TXNRD1: variants seen among roughly 807,000 people sequenced by gnomAD.
TXNRD1 encodes the protein thioredoxin reductase 1.
A neutral mutation model predicts 80.3 loss-of-function variants in TXNRD1; 57 were observed. That is an observed-to-expected ratio of 0.71 (90% confidence interval 0.57 to 0.89). TXNRD1 has a LOEUF of 0.89. TXNRD1 is among the 40% of genes least tolerant of loss of function. The pLI is 0.00. For missense variants in TXNRD1, 730 were observed against 803.0 expected (o/e 0.91, Z 1.10); for synonymous variants, 291 against 285.2 (o/e 1.02, Z -0.20).
At chr12:104,275,152 C>T (rs1396572041) in intron 3 of TXNRD1, among the ~76,000 whole-genome samples, 1 of 151,748 alleles carries the variant, frequency 6.6e-6, no homozygotes, top group African/African-American at 2.4e-5. Flanking sequence ...GTGGCGCATG[C>T]CTGTAATCCC....
Position 104,350,022 on chromosome 12 carries a change from T to C in TXNRD1, c.*1601T>C, listed in dbSNP as rs927057974. The C allele has an allele frequency of 1.3e-5, 2 of 152,208 alleles. No homozygotes were observed. The highest frequency in any genetic ancestry group is 2.4e-5 in the African/African-American group (1 of 41,452). 9.4% of individuals were successfully genotyped at this position (152,208 alleles called of 1,614,324 possible). On this transcript the variant is annotated 3_prime_UTR_variant, in exon 17 of 17. Transcript: ENST00000525566. The stretch of plus-strand genomic sequence containing the variant: ...TTTATTTATTTTTAATTTGTTTTTT[T>C]CTCCAAGTCCACCAGTCTCTGAAAT...
intron 7 of TXNRD1, 98 bp downstream of exon 7, chr12:104,315,994 C>T: frequency 1.5e-6 from 2 of 1,339,924 alleles, no homozygotes; most frequent in East Asian, 2.8e-5. Flanking sequence ...TAGCAAATAG[C>T]CTAGTTGTTT....
intron 13 of TXNRD1, among the ~76,000 whole-genome samples, chr12:104,330,135 T>C (rs1224161013): frequency 6.6e-6 from 1 of 152,092 alleles, no homozygotes; most frequent in Non-Finnish European, 1.5e-5. Flanking sequence ...TTAGAGAAAA[T>C]GGATTATATT....
intron 13 of TXNRD1, among the ~76,000 whole-genome samples, chr12:104,329,520 G>A (rs906274634): frequency 6.6e-5 from 10 of 151,704 alleles, no homozygotes; most frequent in South Asian, 6.3e-4. Flanking sequence ...GAGGTGGTGC[G>A]TGCCTCTAGT....
At chr12:104,304,030 TG>T in intron 4 of TXNRD1, 1 of 1,613,108 alleles carries the variant, frequency 6.2e-7, no homozygotes, top group Non-Finnish European at 8.5e-7. Flanking sequence ...AGCTCACCGC[TG>T]ACGAGGAGAA....
intron 15 of TXNRD1, among the ~76,000 whole-genome samples, chr12:104,338,790 C>G (rs905977522): frequency 6.6e-5 from 10 of 151,870 alleles, no homozygotes; most frequent in Admixed American, 1.3e-4. Flanking sequence ...GATCTCGGCT[C>G]ACTGCAAGCT....
At chr12:104,341,213 C>G (rs567611984) in intron 16 of TXNRD1, among the ~76,000 whole-genome samples, 1 of 152,284 alleles carries the variant, frequency 6.6e-6, no homozygotes, top group Non-Finnish European at 1.5e-5. Context: ...CTGTGCATCT[C>G]CATCTGTTGG....
intron 15 of TXNRD1, among the ~76,000 whole-genome samples, chr12:104,336,916 T>TACTCCATCTCAAAAAAAAAAAAAA (rs1476000037): frequency 6.6e-4 from 98 of 148,546 alleles, no homozygotes; most frequent in Non-Finnish European, 1.0e-3. Flanking sequence ...TCTCACACAA[T>TACTCCATCTCAAAAAAAAAAAAAA]GTAGATACCA....
At chr12:104,241,851 T>C (rs937614498) in intron 1 of TXNRD1, among the ~76,000 whole-genome samples, 7 of 152,000 alleles carry the variant, frequency 4.6e-5, no homozygotes, top group African/African-American at 1.7e-4. Flanking sequence ...GTCTGATTTC[T>C]TAAGTCAGTT....
chr12:104,322,168 C>T (rs1206687474), intron 10 of TXNRD1, among the ~76,000 whole-genome samples: 3 of 151,766 alleles, frequency 2.0e-5, no homozygotes, highest in Non-Finnish European at 4.4e-5. Flanking sequence ...TCTCTGAACC[C>T]GTTTCTTCTG....
intron 4 of TXNRD1, chr12:104,303,872 C>G (rs1354716167): frequency 6.7e-7 from 1 of 1,483,402 alleles, no homozygotes; most frequent in African/African-American, 1.4e-5. Flanking sequence ...AGGAGAGGAG[C>G]AGCTCGTGAT....
chr12:104,230,191 C>T (rs1369762676), intron 1 of TXNRD1, among the ~76,000 whole-genome samples: 3 of 151,700 alleles, frequency 2.0e-5, no homozygotes, highest in African/African-American at 7.3e-5. Flanking sequence ...GCTTGAGCCT[C>T]CTGAGTAGCT....
intron 3 of TXNRD1, among the ~76,000 whole-genome samples, chr12:104,285,170 TCAAACAAA>T (rs753752114): frequency 1.3e-5 from 2 of 151,912 alleles, no homozygotes; most frequent in Non-Finnish European, 2.9e-5. Flanking sequence ...CAAGAGACTG[TCAAACAAA>T]CAAACAAACA....
At chr12:104,325,018 A>T (rs550342941) in intron 10 of TXNRD1, among the ~76,000 whole-genome samples, 5 of 152,278 alleles carry the variant, frequency 3.3e-5, no homozygotes, top group African/African-American at 1.2e-4. Flanking sequence ...AACCTGGGAA[A>T]AGCAGTAAGT....
At chr12:104,280,175 T>A (rs1251772932) in intron 3 of TXNRD1, 1 of 152,222 alleles carries the variant, frequency 6.6e-6, no homozygotes, top group Non-Finnish European at 1.5e-5. Context: ...GAGTTGCCTA[T>A]ACTTACTCCC....
In TXNRD1 at chr12:104,304,122, A is replaced by T; in HGVS notation, c.415-7168A>T. ...CGGGAGGACATCGTGAGCTCGGCGAACAACTCCTTAACCGAGGCTCTGGAG... is the reference window on the plus strand; with the variant it reads ...CGGGAGGACATCGTGAGCTCGGCGATCAACTCCTTAACCGAGGCTCTGGAG... On this transcript the variant is annotated intron_variant, in intron 4 of 16. Transcript: ENST00000525566. 4 of 1,614,076 alleles carry T rather than the reference A, an allele frequency of 2.5e-6. No individual in the cohort carries two copies. The South Asian group carries it at 4.4e-5, about 18-fold the overall frequency.
chr12:104,260,866 G>A (rs929160514), intron 3 of TXNRD1, among the ~76,000 whole-genome samples: 1 of 152,184 alleles, frequency 6.6e-6, no homozygotes, highest in African/African-American at 2.4e-5. Context: ...TGTCCTTCAA[G>A]GATGGGAAAG....
At chr12:104,247,216 C>T (rs948939795) in intron 1 of TXNRD1, among the ~76,000 whole-genome samples, 7 of 152,058 alleles carry the variant, frequency 4.6e-5, no homozygotes, top group East Asian at 1.9e-4. Context: ...TACAGGCACC[C>T]GCCATTATGC....
chr12:104,329,264 G>C (rs1012736574), intron 13 of TXNRD1, among the ~76,000 whole-genome samples: 1 of 151,774 alleles, frequency 6.6e-6, no homozygotes, highest in African/African-American at 2.4e-5. Flanking sequence ...AATATAGCTT[G>C]AGATTGGATG....
Sources: gnomAD v4.1 joint callset for allele counts (sites outside exome capture counted in the v4.1 genomes callset) on GRCh38, gnomAD v4.1.1 for gene constraint, MANE v1.5 for transcripts, NCBI Gene and HGNC (gene_info 2026-07-23, HGNC 2026-07-21) for gene names.